The following GRIP1 variants were observed in gnomAD, a reference collection of about 807,000 sequenced individuals.
GRIP1 encodes glutamate receptor interacting protein 1, also known as glutamate receptor-interacting protein 1.
In GRIP1, 45 loss-of-function variants were observed where a neutral mutation model predicts 129.9. That is an observed-to-expected ratio of 0.35 (90% CI 0.27 to 0.44). GRIP1 has a LOEUF of 0.44. Among genes scored for constraint, GRIP1 ranks in the 20% least tolerant of loss-of-function variants. The pLI, the probability that GRIP1 is intolerant of heterozygous loss-of-function variation, is 1.00. For synonymous variants in GRIP1, 530 were observed against 520.8 expected, an observed-to-expected ratio of 1.02 and a Z score of -0.24; for missense variants, 1,196 against 1,396.8, an observed-to-expected ratio of 0.86 and a Z score of 2.29.
chr12:66,583,963 G>T lies in GRIP1; in HGVS notation c.136+12884C>A, dbSNP rs531900961. Among the ~76,000 whole-genome samples the T allele has an allele frequency of 2.4e-4, 34 of 139,242 alleles. 1 individual carries two copies. Among genetic ancestry groups the T allele is most frequent in the South Asian group, 1.4e-3 (6 of 4,334 alleles). 91.3% of individuals were successfully genotyped at this position (139,242 alleles called of 152,430 possible). ...GCTATAAAGACACATGCACACGTAT[G>T]TTTATTGCGGCATTATTCACAATAG... On this transcript the variant is annotated intron_variant, in intron 2 of 24. Transcript: ENST00000359742.
chr12:66,939,254 A>G (rs886665147), intron 1 of GRIP1, among the ~76,000 whole-genome samples: 9 of 152,060 alleles, frequency 5.9e-5, no homozygotes, highest in African/African-American at 2.2e-4. Flanking sequence ...GGGGAGACTG[A>G]GGTGGAGGAT....
chr12:67,025,284 T>C (rs1026859162), intron 1 of GRIP1, among the ~76,000 whole-genome samples: 2 of 152,076 alleles, frequency 1.3e-5, no homozygotes, highest in African/African-American at 4.8e-5. Flanking sequence ...GAGGTTGCAG[T>C]AAGCTGAGAT....
At chr12:66,743,660 T>C (rs906262130) in intron 1 of GRIP1, among the ~76,000 whole-genome samples, 1 of 152,000 alleles carries the variant, frequency 6.6e-6, no homozygotes, top group Non-Finnish European at 1.5e-5. Flanking sequence ...GTGTCTAGGA[T>C]ACTGTGCAAA....
At chr12:67,015,199 C>G (rs996258850) in intron 1 of GRIP1, among the ~76,000 whole-genome samples, 12 of 152,146 alleles carry the variant, frequency 7.9e-5, no homozygotes, top group Non-Finnish European at 1.5e-4. Context: ...AATGTGTACA[C>G]TGATATTCTG....
chr12:66,602,125 T>C (rs1177377080), intron 1 of GRIP1, among the ~76,000 whole-genome samples: 1 of 152,160 alleles, frequency 6.6e-6, no homozygotes, highest in Non-Finnish European at 1.5e-5. Context: ...TCAGATAACA[T>C]GGTAGTTTTG....
intron 1 of GRIP1, among the ~76,000 whole-genome samples, chr12:66,722,584 C>T (rs1440056212): frequency 6.6e-6 from 1 of 152,086 alleles, no homozygotes; most frequent in South Asian, 2.1e-4. Flanking sequence ...TGAACACATG[C>T]TGTTGGAAAA....
At chr12:66,455,329 C>T in intron 11 of GRIP1, 80 bp downstream of exon 11, 1 of 1,294,264 alleles carries the variant, frequency 7.7e-7, no homozygotes, top group Non-Finnish European at 1.1e-6. Flanking sequence ...AACACTCTTC[C>T]CACAATTTCG....
intron 2 of GRIP1, among the ~76,000 whole-genome samples, chr12:66,557,781 A>G (rs928401592): frequency 6.6e-6 from 1 of 152,162 alleles, no homozygotes; most frequent in Non-Finnish European, 1.5e-5. Flanking sequence ...AACATCACAA[A>G]CACAACATAC....
At chr12:67,041,295 T>C (rs1370379270) in intron 1 of GRIP1, among the ~76,000 whole-genome samples, 1 of 152,010 alleles carries the variant, frequency 6.6e-6, no homozygotes, top group Non-Finnish European at 1.5e-5. Context: ...CACAAATATA[T>C]ATACACATAT....
chr12:66,804,123 CT>C (rs1248176357), exon 1 of GRIP1: 1 of 455,938 alleles, frequency 2.2e-6, no homozygotes, highest in Admixed American at 2.3e-5. Context: ...CTGGTCGGTA[CT>C]TTTTCCCCTT....
At chr12:66,359,145 G>T (rs1242265584) in intron 23 of GRIP1, among the ~76,000 whole-genome samples, 1 of 152,174 alleles carries the variant, frequency 6.6e-6, no homozygotes, top group Non-Finnish European at 1.5e-5. Flanking sequence ...TGTGCCTACG[G>T]CTAGTTGGGA....
chr12:66,378,054 C>T (rs1196256096), intron 20 of GRIP1, among the ~76,000 whole-genome samples: 1 of 149,280 alleles, frequency 6.7e-6, no homozygotes, highest in African/African-American at 2.5e-5. Flanking sequence ...TGGTAAGGAA[C>T]AAAATGGTAA....
chr12:66,429,163 G>A (rs1292876731), intron 14 of GRIP1, among the ~76,000 whole-genome samples: 4 of 152,186 alleles, frequency 2.6e-5, no homozygotes, highest in Non-Finnish European at 4.4e-5. Flanking sequence ...AGTCAATTAG[G>A]TATGAAGAGT....
chr12:66,372,030 G>A lies in GRIP1; in HGVS notation c.2779-103C>T, dbSNP rs1473715574. 7.7e-6 allele frequency: 6 copies of A among 783,932 alleles called. No homozygotes were observed. In the East Asian group the frequency reaches 1.5e-4, roughly 20 times the overall value. The allele number at this position is 783,932 out of a possible 1,614,324, so 48.6% of individuals were successfully genotyped here. A position where few individuals can be genotyped will look rare whatever the true frequency, so the allele number is the denominator to read the frequency against. Reference sequence around the variant, plus strand: ...TCTCCTTCTGCGAGGTAAAAATACAGTCTCTTCAGGGCAAAACCAAAGGCT... The same window carrying A: ...TCTCCTTCTGCGAGGTAAAAATACAATCTCTTCAGGGCAAAACCAAAGGCT... On this transcript the variant is annotated intron_variant, in intron 22 of 24. Transcript: ENST00000359742.
At chr12:66,623,119 C>T (rs1388978296) in intron 1 of GRIP1, among the ~76,000 whole-genome samples, 1 of 152,072 alleles carries the variant, frequency 6.6e-6, no homozygotes, top group Non-Finnish European at 1.5e-5. Context: ...ATGAACCAGA[C>T]TAATAGCCTT....
intron 1 of GRIP1, among the ~76,000 whole-genome samples, chr12:66,869,386 C>T (rs1047552286): frequency 1.3e-5 from 2 of 151,970 alleles, no homozygotes; most frequent in Admixed American, 1.3e-4. Flanking sequence ...AAGTGAATTG[C>T]ATGGTGATTG....
chr12:66,747,285 T>A (rs2036979416), intron 1 of GRIP1, among the ~76,000 whole-genome samples: 1 of 152,134 alleles, frequency 6.6e-6, no homozygotes, highest in Non-Finnish European at 1.5e-5. Flanking sequence ...AATTGAAAAC[T>A]AAGCTAACAA....
chr12:66,556,017 T>TAATAACA (rs1171057293), intron 2 of GRIP1, among the ~76,000 whole-genome samples: 7 of 152,086 alleles, frequency 4.6e-5, no homozygotes, highest in Admixed American at 4.6e-4. Context: ...TTCAAAGTGA[T>TAATAACA]AATAACAGAG....
intron 1 of GRIP1, among the ~76,000 whole-genome samples, chr12:66,886,857 A>G (rs1376615866): frequency 2.6e-5 from 4 of 152,222 alleles, no homozygotes; most frequent in African/African-American, 9.6e-5. Context: ...ACTGTTGTTA[A>G]TTACTGTTAT....
Sources: allele counts gnomAD v4.1 joint callset (sites outside exome capture counted in the v4.1 genomes callset), GRCh38; gene constraint gnomAD v4.1.1; transcripts MANE v1.5; gene names NCBI Gene and HGNC (gene_info 2026-07-23, HGNC 2026-07-21).